Variants in TRADD observed in about 807,000 individuals in gnomAD.
The protein encoded by TRADD is tumor necrosis factor receptor type 1-associated DEATH domain protein.
Under a neutral mutation model 31.5 loss-of-function variants are expected in TRADD, and 14 were observed. The observed-to-expected ratio is 0.44, with a 90% CI of 0.29 to 0.69. TRADD has a LOEUF of 0.69. Among genes scored for constraint, TRADD ranks in the 30% least tolerant of loss-of-function variants. TRADD has a pLI of 0.11. For missense variants in TRADD, 388 were observed against 435.7 expected, an observed-to-expected ratio of 0.89 and a Z score of 0.97; for synonymous variants, 220 against 215.8, an observed-to-expected ratio of 1.02 and a Z score of -0.17.
chr16:67,155,045 C>T, intron 4 of TRADD, 51 bp downstream of exon 4: 1 of 1,548,600 alleles, frequency 6.5e-7, no homozygotes, highest in South Asian at 1.2e-5. Context: ...ACCCCTGCCC[C>T]TCCCCAGACT....
rs1352150036 is a variant in TRADD at position 67,156,673 on chromosome 16, A to T, written c.-8-5T>A. 2.5e-6 allele frequency: 4 copies of T among 1,613,634 alleles called. No homozygotes were observed. Among genetic ancestry groups the T allele is most frequent in the Non-Finnish European group, 2.5e-6 (3 of 1,180,002 alleles). On this transcript the variant is annotated splice_polypyrimidine_tract_variant and splice_region_variant and intron_variant, in intron 1 of 4. Coordinates refer to ENST00000345057, the MANE Select transcript of TRADD (RefSeq NM_003789.4). The surrounding 1 kb of genome is among the most constrained non-coding windows in gnomAD (Gnocchi z 4.6). ...GCCCAGCTGCCATCTCACCTCCTGGAGATGCAGACAGTCAGGTATCCAGTT... is the reference window on the plus strand; with the variant it reads ...GCCCAGCTGCCATCTCACCTCCTGGTGATGCAGACAGTCAGGTATCCAGTT...
intron 1 of TRADD, among the ~76,000 whole-genome samples, chr16:67,158,174 T>C (rs1209933758): frequency 6.6e-6 from 1 of 152,190 alleles, no homozygotes; most frequent in Non-Finnish European, 1.5e-5. Flanking sequence ...TTTTCAATTG[T>C]CTTGTTTTTG....
chr16:67,154,333 A>T lies in TRADD; in HGVS notation c.*316T>A, dbSNP rs1303911772. 4 of 502,762 alleles carry T rather than the reference A, an allele frequency of 8.0e-6. No individual in the cohort carries two copies. Among genetic ancestry groups the T allele is most frequent in the Non-Finnish European group, 1.4e-5 (4 of 276,236 alleles). 31.1% of individuals were successfully genotyped at this position (502,762 alleles called of 1,614,324 possible). ...CACCCAGGATGAAGTCCAGGACACC[A>T]AAGATCAAGGTGCTTCATGAGTGAA... On this transcript the variant is annotated 3_prime_UTR_variant, in exon 5 of 5. Transcript: ENST00000345057. The surrounding 1 kb of genome is among the most constrained non-coding windows in gnomAD (Gnocchi z 5.2).
In TRADD at chr16:67,155,584, C is replaced by T. The variant is rs1469952566; in HGVS notation, c.222G>A (p.Gln74=). The T allele has an allele frequency of 1.9e-6, 3 of 1,546,046 alleles. No individual in the cohort carries two copies. Among genetic ancestry groups the T allele is most frequent in the African/African-American group, 2.7e-5 (2 of 72,810 alleles). ...AGGGCTGCCGCCCGCAGAATCGCAG[C>T]TGCACGATCAGCTGCGGGTCGCTGC... is the stretch of plus-strand genomic sequence containing the variant. ...IHRSDPQLIV[Q]LRFCGRQPCG... The change falls in exon 3 of 5, where the codon CAG becomes CAA. Residue 74 remains glutamine (Q), a synonymous_variant. Coordinates refer to ENST00000345057, the MANE Select transcript of TRADD (RefSeq NM_003789.4).
Position 67,155,215 on chromosome 16 carries a change from C to T in TRADD, c.509G>A (p.Gly170Asp), listed in dbSNP as rs1357923534. 1 of 1,596,044 alleles carries T rather than the reference C, an allele frequency of 6.3e-7. No individual in the cohort carries two copies. The highest frequency in any genetic ancestry group is 8.5e-7 in the Non-Finnish European group (1 of 1,172,972). The part of the protein sequence containing the change: ...RNLKCGSGAR[G>D]GDGEVASAPL... Reference sequence around the variant, plus strand: ...GGCCGAAGCGACCTCCCCGTCGCCACCCCGGGCCCCCGAGCCGCACTTCAG... The same window carrying T: ...GGCCGAAGCGACCTCCCCGTCGCCATCCCGGGCCCCCGAGCCGCACTTCAG... Residue 170 changes from glycine to aspartate, a missense_variant, in exon 4 of 5, where the codon GGT becomes GAT. Coordinates refer to ENST00000345057, the MANE Select transcript of TRADD (RefSeq NM_003789.4).
In TRADD at chr16:67,155,411, T is replaced by C. The variant is rs1481844119; in HGVS notation, c.395A>G (p.Glu132Gly). Residue 132 changes from glutamate to glycine, a missense_variant, in exon 3 of 5, where the codon GAG becomes GGG. Coordinates refer to ENST00000345057, the MANE Select transcript of TRADD (RefSeq NM_003789.4). Reference protein sequence around the residue: ...AERLDALLADEERCLSCILAQ... With the variant: ...AERLDALLADGERCLSCILAQ... ...TAGGATGCAACTCAAACAGCGCTCC[T>C]CGTCCGCCAGCAAAGCGTCCAGCCG... 6.3e-7 allele frequency: 1 copy of C among 1,598,086 alleles called. No homozygotes were observed. Among genetic ancestry groups the C allele is most frequent in the Non-Finnish European group, 8.5e-7 (1 of 1,179,534 alleles).
At chr16:67,158,588 G>A (rs1167935444) in intron 1 of TRADD, among the ~76,000 whole-genome samples, 1 of 151,902 alleles carries the variant, frequency 6.6e-6, no homozygotes. Context: ...GGTGGGGGTG[G>A]GGAAGGATTG....
Position 67,155,652 on chromosome 16 carries a change from T to C in TRADD, c.154A>G (p.Ser52Gly), listed in dbSNP as rs754990814. ...YRALQAALAESGGSPDVLQML... is the reference protein window; with the variant it reads ...YRALQAALAEGGGSPDVLQML... ...TGCAGCACGTCCGGGCTCCCGCCGC[T>C]CTCTGCGGAGGCGGGCGGTCAGGCG... Residue 52 changes from serine (S) to glycine (G), a missense_variant and splice_region_variant, in exon 3 of 5, where the codon AGC (serine) becomes GGC (glycine). Coordinates refer to ENST00000345057, the MANE Select transcript of TRADD (RefSeq NM_003789.4). 68 of 1,571,280 alleles carry C rather than the reference T, an allele frequency of 4.3e-5. 1 individual carries two copies. The East Asian group carries it at 1.5e-3, about 34-fold the overall frequency.
At position 67,156,197 on chromosome 16, in the gene TRADD, G is replaced by A; in HGVS notation, c.151+313C>T. On this transcript the variant is annotated intron_variant, in intron 2 of 4. Transcript: ENST00000345057. This position sits in a 1 kb window ranked among gnomAD's most constrained non-coding sequence, Gnocchi z 4.6. ...ACTGGGGAGGGGTCTTGAGCAAGGAGTGCTGCAGTAAGAGAGGAAAAGAGG... is the reference window on the plus strand; with the variant it reads ...ACTGGGGAGGGGTCTTGAGCAAGGAATGCTGCAGTAAGAGAGGAAAAGAGG... 7.0e-7 allele frequency: 1 copy of A among 1,421,792 alleles called. No individual in the cohort carries two copies. Among genetic ancestry groups the A allele is most frequent in the Non-Finnish European group, 9.3e-7 (1 of 1,073,972 alleles). 88.1% of individuals were successfully genotyped at this position (1,421,792 alleles called of 1,614,324 possible). A position where few individuals can be genotyped will look rare whatever the true frequency, so the allele number is the denominator to read the frequency against.
Position 67,156,026 on chromosome 16 carries a change from C to G in TRADD, c.152-372G>C. 2.9e-6 allele frequency: 4 copies of G among 1,374,288 alleles called. No individual in the cohort carries two copies. Among genetic ancestry groups the G allele is most frequent in the Non-Finnish European group, 3.8e-6 (4 of 1,045,232 alleles). The allele number at this position is 1,374,288 out of a possible 1,614,324, so 85.1% of individuals were successfully genotyped here. A position where few individuals can be genotyped will look rare whatever the true frequency, so the allele number is the denominator to read the frequency against. ...CAGAGGAGGGCGAGAGGTCTCAGGTCTTCGGCCTCCACCAAGCGCGACTCC... is the reference window on the plus strand; with the variant it reads ...CAGAGGAGGGCGAGAGGTCTCAGGTGTTCGGCCTCCACCAAGCGCGACTCC... On this transcript the variant is annotated intron_variant, in intron 2 of 4. Transcript: ENST00000345057. The surrounding 1 kb of genome is among the most constrained non-coding windows in gnomAD (Gnocchi z 4.6).
At position 67,156,621 on chromosome 16, in the gene TRADD, T is replaced by A. The variant is rs759854349; in HGVS notation, c.40A>T (p.Ser14Cys). 1.4e-5 allele frequency: 22 copies of A among 1,614,128 alleles called. No individual in the cohort carries two copies. Among genetic ancestry groups the A allele is most frequent in the Non-Finnish European group, 1.8e-5 (21 of 1,180,018 alleles). ...GQNGHEEWVG[S>C]AYLFVESSLD... The stretch of plus-strand genomic sequence containing the variant: ...GAGGACTCCACAAACAGGTATGCGC[T>A]GCCCACCCACTCTTCGTGCCCATTT... The change falls in exon 2 of 5, where the codon AGC (serine) becomes TGC (cysteine). Residue 14 changes from serine (S) to cysteine (C), a missense_variant. Transcript: ENST00000345057. This position sits in a 1 kb window ranked among gnomAD's most constrained non-coding sequence, Gnocchi z 4.6.
rs1485590168 is a variant in TRADD at position 67,156,880 on chromosome 16, C to G, written c.-8-212G>C. Among the ~76,000 whole-genome samples, 2 of 152,208 alleles carry G rather than the reference C, an allele frequency of 1.3e-5. No homozygotes were observed. The highest frequency in any genetic ancestry group is 2.9e-5 in the Non-Finnish European group (2 of 68,028). ...GCTCCTGGCTCTGTACAGAGTCCCA[C>G]CCGCCCCAGGCTTGCAGTGAGGACT... On this transcript the variant is annotated intron_variant, in intron 1 of 4. Transcript: ENST00000345057. The surrounding 1 kb of genome is among the most constrained non-coding windows in gnomAD (Gnocchi z 4.6).
intron 1 of TRADD, among the ~76,000 whole-genome samples, chr16:67,157,143 A>T (rs1458667873): frequency 6.6e-6 from 1 of 152,172 alleles, no homozygotes; most frequent in Admixed American, 6.5e-5. Context: ...ACCTCAGCCT[A>T]AGACTAAACC....
Position 67,156,827 on chromosome 16 carries a change from G to A in TRADD, c.-8-159C>T. The A allele has an allele frequency of 2.0e-6, 2 of 1,014,872 alleles. No homozygotes were observed. The allele number at this position is 1,014,872 out of a possible 1,614,324, so 62.9% of individuals were successfully genotyped here. Reference sequence around the variant, plus strand: ...ACTGGTTGGCATACTTGGGACAGGAGTTCACCATCTCACAGGAAGCCCCTT... The same window carrying A: ...ACTGGTTGGCATACTTGGGACAGGAATTCACCATCTCACAGGAAGCCCCTT... On this transcript the variant is annotated intron_variant, in intron 1 of 4. Transcript: ENST00000345057. The surrounding 1 kb of genome is among the most constrained non-coding windows in gnomAD (Gnocchi z 4.6).
chr16:67,154,231 A>G lies in TRADD; in HGVS notation c.*418T>C, dbSNP rs1408310435. 3.7e-6 allele frequency: 1 copy of G among 272,978 alleles called. No homozygotes were observed. The highest frequency in any genetic ancestry group is 2.2e-5 in the African/African-American group (1 of 45,344). 16.9% of individuals were successfully genotyped at this position (272,978 alleles called of 1,614,324 possible). On this transcript the variant is annotated 3_prime_UTR_variant, in exon 5 of 5. Transcript: ENST00000345057. The surrounding 1 kb of genome is among the most constrained non-coding windows in gnomAD (Gnocchi z 5.2). ...TTATACTTTATTATCATTGCTTAAC[A>G]TTCGGGGTCCCACGCTGAGTGTGAG...
At position 67,155,156 on chromosome 16, in the gene TRADD, C is replaced by A; in HGVS notation, c.568G>T (p.Val190Leu). The A allele has an allele frequency of 6.4e-7, 1 of 1,553,498 alleles. No individual in the cohort carries two copies. Among genetic ancestry groups the A allele is most frequent in the Non-Finnish European group, 8.7e-7 (1 of 1,152,712 alleles). The change falls in exon 4 of 5, where the codon GTG (valine) becomes TTG (leucine). Residue 190 changes from valine (V) to leucine (L), a missense_variant. Physicochemically the swap from Val to Leu is conservative, Grantham distance 32. Coordinates refer to ENST00000345057, the MANE Select transcript of TRADD (RefSeq NM_003789.4). ...LQPPVPSLSE[V>L]KPPPPPPPAQ... ...GGTGGCGGCGGCGGCGGCGGCTTCACCTCCGACAGAGAGGGCACCGGGGGC... is the reference window on the plus strand; with the variant it reads ...GGTGGCGGCGGCGGCGGCGGCTTCAACTCCGACAGAGAGGGCACCGGGGGC...
At position 67,156,270 on chromosome 16, in the gene TRADD, G is replaced by T. The variant is rs960062452; in HGVS notation, c.151+240C>A. On this transcript the variant is annotated intron_variant, in intron 2 of 4. Coordinates refer to ENST00000345057, the MANE Select transcript of TRADD (RefSeq NM_003789.4). This position sits in a 1 kb window ranked among gnomAD's most constrained non-coding sequence, Gnocchi z 4.6. ...GAAAGGAGTGAGCCGGCTGGTGGAG[G>T]GGGGCGGGGATGGAGCAAAGGACGT... 8.1e-5 allele frequency: 103 copies of T among 1,269,112 alleles called. No individual in the cohort carries two copies. The highest frequency in any genetic ancestry group is 9.9e-5 in the Non-Finnish European group (92 of 925,072). The allele number at this position is 1,269,112 out of a possible 1,614,324, so 78.6% of individuals were successfully genotyped here.
At position 67,156,320 on chromosome 16, in the gene TRADD, C is replaced by A; in HGVS notation, c.151+190G>T. The A allele has an allele frequency of 8.6e-7, 1 of 1,156,766 alleles. No individual in the cohort carries two copies. Among genetic ancestry groups the A allele is most frequent in the South Asian group, 1.5e-5 (1 of 68,894 alleles). 71.7% of individuals were successfully genotyped at this position (1,156,766 alleles called of 1,614,324 possible). On this transcript the variant is annotated intron_variant, in intron 2 of 4. Transcript: ENST00000345057. The surrounding 1 kb of genome is among the most constrained non-coding windows in gnomAD (Gnocchi z 4.6). ...TTAGTGCACAAATTGGTAAATCATA[C>A]ACAGACTCGAGAACACACGCCTATC...
chr16:67,156,633 C>G lies in TRADD; in HGVS notation c.28G>C (p.Glu10Gln). 1 of 1,614,152 alleles carries G rather than the reference C, an allele frequency of 6.2e-7. No individual in the cohort carries two copies. Among genetic ancestry groups the G allele is most frequent in the Non-Finnish European group, 8.5e-7 (1 of 1,180,034 alleles). ...AACAGGTATGCGCTGCCCACCCACT[C>G]TTCGTGCCCATTTTGCCCAGCTGCC... MAAGQNGHEEWVGSAYLFVE... is the reference protein window; with the variant it reads MAAGQNGHEQWVGSAYLFVE... The change falls in exon 2 of 5, where the codon GAG (glutamate) becomes CAG (glutamine). Residue 10 changes from glutamate to glutamine, a missense_variant. Glu to Gln is a conservative substitution (Grantham distance 29, BLOSUM62 2). Transcript: ENST00000345057. The surrounding 1 kb of genome is among the most constrained non-coding windows in gnomAD (Gnocchi z 4.6).
Sources: gnomAD v4.1 joint callset for allele counts (sites outside exome capture counted in the v4.1 genomes callset) on GRCh38, gnomAD v4.1.1 for gene constraint, Gnocchi (gnomAD v3.1) non-coding constraint, MANE v1.5 for transcripts, NCBI Gene and HGNC (gene_info 2026-07-23, HGNC 2026-07-21) for gene names.